Variants in CCDC148 observed in about 807,000 individuals in gnomAD.
The protein encoded by CCDC148 is coiled-coil domain containing 148, also known as coiled-coil domain-containing protein 148.
A neutral mutation model predicts 85.7 loss-of-function variants in CCDC148; 89 were observed. That is an observed-to-expected ratio of 1.04 (90% CI 0.87 to 1.24). The LOEUF is 1.24. Among genes scored for constraint, CCDC148 ranks in the 50% most tolerant of loss-of-function variants. The probability of loss-of-function intolerance (pLI) is 0.00; values close to 1 mark genes in which losing one functional copy is unlikely to be tolerated. For synonymous variants in CCDC148, 230 were observed against 213.9 expected (o/e 1.08, Z -0.66); for missense variants, 692 against 671.7 (o/e 1.03, Z -0.33).
rs777356867 is a variant in CCDC148 at position 158,323,919 on chromosome 2, C to CTTTTTTTTTTTTTTTT, written c.765-10041_765-10026dup. Reference sequence around the variant, plus strand: ...GTCTAATTTCACCACCTGGGAATAACTTTTTTTTTTTTTTTTTTTTTTTTT... The same window carrying CTTTTTTTTTTTTTTTT: ...GTCTAATTTCACCACCTGGGAATAACTTTTTTTTTTTTTTTTTTTTTTTTTTTTTTTTTTTTTTTTT... On this transcript the variant is annotated intron_variant, in intron 7 of 13. Coordinates refer to ENST00000283233, the MANE Select transcript of CCDC148 (RefSeq NM_138803.4). 1.9e-4 allele frequency among the ~76,000 whole-genome samples: 16 copies of CTTTTTTTTTTTTTTTT among 82,970 alleles called. 1 individual carries two copies. Among genetic ancestry groups the CTTTTTTTTTTTTTTTT allele is most frequent in the Non-Finnish European group, 2.9e-4 (12 of 41,614 alleles). 54.4% of individuals were successfully genotyped at this position (82,970 alleles called of 152,430 possible).
intron 10 of CCDC148, among the ~76,000 whole-genome samples, chr2:158,242,105 A>G (rs1314659253): frequency 1.3e-5 from 2 of 152,156 alleles, no homozygotes; most frequent in African/African-American, 4.8e-5. Context: ...AATGGATTCC[A>G]CTGTCACTAG....
chr2:158,352,673 C>T (rs1417746277), intron 2 of CCDC148, among the ~76,000 whole-genome samples: 3 of 152,040 alleles, frequency 2.0e-5, no homozygotes, highest in South Asian at 4.2e-4. Context: ...TCCAGGAGAA[C>T]TTCCCCAATC....
At chr2:158,392,879 T>C (rs531497820) in intron 1 of CCDC148, among the ~76,000 whole-genome samples, 206 of 152,230 alleles carry the variant, frequency 1.4e-3, no homozygotes, top group Non-Finnish European at 2.4e-3. Context: ...TGCATACGAC[T>C]GCACACAACC....
At position 158,220,585 on chromosome 2, in the gene CCDC148, T is replaced by C. The variant is rs188905989; in HGVS notation, c.1370+10A>G. 462 of 1,590,160 alleles carry C rather than the reference T, an allele frequency of 2.9e-4. 6 individuals carry two copies. The East Asian group carries it at 8.2e-3, about 28-fold the overall frequency. The stretch of plus-strand genomic sequence containing the variant: ...CCTCCATTACCACACAATTTTAAAT[T>C]TTCTTTTACCTTTCTCTGTCTTTTA... On this transcript the variant is annotated intron_variant, in intron 11 of 13. Transcript: ENST00000283233.
intron 1 of CCDC148, among the ~76,000 whole-genome samples, chr2:158,439,660 A>G (rs961828899): frequency 1.3e-5 from 2 of 152,178 alleles, no homozygotes; most frequent in Non-Finnish European, 2.9e-5. Context: ...GTTACATGAC[A>G]TTAGCCATGT....
chr2:158,270,733 G>A (rs1689660325), intron 9 of CCDC148, among the ~76,000 whole-genome samples: 1 of 152,094 alleles, frequency 6.6e-6, no homozygotes, highest in Non-Finnish European at 1.5e-5. Context: ...ACTCTTTTTG[G>A]CACAGCTTTC....
At chr2:158,396,230 T>C (rs898535986) in intron 1 of CCDC148, among the ~76,000 whole-genome samples, 3 of 152,172 alleles carry the variant, frequency 2.0e-5, no homozygotes, top group Admixed American at 1.3e-4. Flanking sequence ...AAATATTATA[T>C]AAAATCCATG....
intron 1 of CCDC148, among the ~76,000 whole-genome samples, chr2:158,365,608 A>G (rs942458733): frequency 1.3e-5 from 2 of 152,186 alleles, no homozygotes; most frequent in African/African-American, 4.8e-5. Context: ...TTGAACAATG[A>G]AAACACATGG....
intron 1 of CCDC148, among the ~76,000 whole-genome samples, chr2:158,369,970 G>A (rs991419502): frequency 2.0e-5 from 3 of 152,010 alleles, no homozygotes; most frequent in Admixed American, 6.6e-5. Context: ...GATGAATTAC[G>A]TTTATTAATT....
At chr2:158,332,572 CT>C (rs1693194105) in intron 7 of CCDC148, among the ~76,000 whole-genome samples, 1 of 150,694 alleles carries the variant, frequency 6.6e-6, no homozygotes, top group Non-Finnish European at 1.5e-5. Flanking sequence ...AGGATTCCCT[CT>C]TTTTCTATTA....
intron 11 of CCDC148, among the ~76,000 whole-genome samples, chr2:158,182,040 GGAAA>G (rs1363643748): frequency 6.6e-6 from 1 of 151,982 alleles, no homozygotes; most frequent in Non-Finnish European, 1.5e-5. Context: ...TATGGGAGAG[GGAAA>G]GAGATAGAGG....
chr2:158,219,647 T>G (rs946403965), intron 11 of CCDC148, among the ~76,000 whole-genome samples: 1 of 152,230 alleles, frequency 6.6e-6, no homozygotes, highest in African/African-American at 2.4e-5. Context: ...AGATTTCCAT[T>G]AAGCCTTGCA....
chr2:158,325,974 G>A (rs1692751817), intron 7 of CCDC148, among the ~76,000 whole-genome samples: 1 of 152,066 alleles, frequency 6.6e-6, no homozygotes, highest in Non-Finnish European at 1.5e-5. Context: ...CTGCCAAAGT[G>A]ATTCTGCTAA....
At chr2:158,353,078 C>A (rs1022291802) in intron 2 of CCDC148, among the ~76,000 whole-genome samples, 4 of 151,474 alleles carry the variant, frequency 2.6e-5, no homozygotes, top group African/African-American at 7.3e-5. Flanking sequence ...TGAAGGAAGC[C>A]CTAAACACGG....
In CCDC148 at chr2:158,315,543, T is replaced by C. The variant is rs527460678; in HGVS notation, c.765-1649A>G. 4.3e-4 allele frequency among the ~76,000 whole-genome samples: 65 copies of C among 152,254 alleles called. 1 individual carries two copies. The highest frequency in any genetic ancestry group is 1.5e-3 in the African/African-American group (61 of 41,556). Reference sequence around the variant, plus strand: ...ATTATAAATGTGGATGTATGGGTAGTGTGTGCCCTGGGAAGGGGGAAGCAA... The same window carrying C: ...ATTATAAATGTGGATGTATGGGTAGCGTGTGCCCTGGGAAGGGGGAAGCAA... On this transcript the variant is annotated intron_variant, in intron 7 of 13. Transcript: ENST00000283233.
rs1684704947 is a variant in CCDC148, at chr2:158,178,477, G to A, written c.1488+402C>T. The stretch of plus-strand genomic sequence containing the variant: ...ACTGTTTTTAACACATTTGTTGACT[G>A]TGGGATGTTTCCAAAGGGAGGCTCC... On this transcript the variant is annotated intron_variant, in intron 12 of 13. Transcript: ENST00000283233. Among the ~76,000 whole-genome samples, 3 of 152,138 alleles carry A rather than the reference G, an allele frequency of 2.0e-5. 1 individual carries two copies. The South Asian group carries it at 6.2e-4, about 31-fold the overall frequency.
intron 11 of CCDC148, among the ~76,000 whole-genome samples, chr2:158,217,826 T>C (rs1451787743): frequency 1.3e-5 from 2 of 152,190 alleles, no homozygotes; most frequent in Non-Finnish European, 2.9e-5. Context: ...GGAAACTGCT[T>C]CAAGCCACCT....
At position 158,340,395 on chromosome 2, in the gene CCDC148, T is replaced by A. The variant is rs553866692; in HGVS notation, c.335-2A>T. ...ACTGTTGTTCTGATAGCTCTTGCTC[T>A]ATGGTGAAACAAAATTGAATTAAAG... On this transcript the variant is annotated splice_acceptor_variant, in intron 4 of 13. Coordinates refer to ENST00000283233, the MANE Select transcript of CCDC148 (RefSeq NM_138803.4). LOFTEE classifies it high-confidence loss of function. 1 of 1,612,448 alleles carries A rather than the reference T, an allele frequency of 6.2e-7. No individual in the cohort carries two copies. The highest frequency in any genetic ancestry group is 1.7e-5 in the Admixed American group (1 of 59,672).
intron 11 of CCDC148, among the ~76,000 whole-genome samples, chr2:158,201,256 AAT>A (rs1685939565): frequency 6.6e-6 from 1 of 152,244 alleles, no homozygotes; most frequent in African/African-American, 2.4e-5. Flanking sequence ...TGTTAATATT[AAT>A]ATGTCAATTT....
Sources: gnomAD v4.1 joint callset for allele counts (sites outside exome capture counted in the v4.1 genomes callset) on GRCh38, gnomAD v4.1.1 for gene constraint, MANE v1.5 for transcripts, NCBI Gene and HGNC (gene_info 2026-07-23, HGNC 2026-07-21) for gene names.